EPHA5: variants seen among roughly 807,000 people sequenced by gnomAD.
EPHA5 encodes ephrin type-A receptor 5.
A neutral mutation model predicts 105.0 loss-of-function variants in EPHA5; 60 were observed. The ratio of observed to expected loss-of-function variants is 0.57; its 90% CI spans 0.46 to 0.71. EPHA5 has a LOEUF of 0.71. EPHA5 is among the 30% of genes least tolerant of loss of function. The pLI is 0.00. For missense variants in EPHA5, 1,218 were observed against 1,274.7 expected (o/e 0.96, Z 0.68); for synonymous variants, 513 against 449.1 (o/e 1.14, Z -1.80).
chr4:65,341,925 T>A (rs922744778), intron 14 of EPHA5, among the ~76,000 whole-genome samples: 1 of 152,114 alleles, frequency 6.6e-6, no homozygotes, highest in Non-Finnish European at 1.5e-5. Context: ...GACATAGAAA[T>A]AGTTTCAGAT....
intron 3 of EPHA5, among the ~76,000 whole-genome samples, chr4:65,552,762 A>T (rs1336638263): frequency 1.3e-5 from 2 of 152,090 alleles, no homozygotes; most frequent in Non-Finnish European, 2.9e-5. Context: ...TTTCCTTTCT[A>T]ATTATATTTC....
intron 3 of EPHA5, among the ~76,000 whole-genome samples, chr4:65,537,726 T>C (rs1736425003): frequency 6.6e-6 from 1 of 151,716 alleles, no homozygotes; most frequent in Non-Finnish European, 1.5e-5. Context: ...GGCCAGTTAA[T>C]TTGTTTATTC....
At chr4:65,367,493 A>T (rs2148896948) in intron 8 of EPHA5, 69 bp from the exon 9 acceptor site, 1 of 1,424,030 alleles carries the variant, frequency 7.0e-7, no homozygotes, top group Non-Finnish European at 9.9e-7. Flanking sequence ...GCCCAGAAGC[A>T]TGAAGCACAA....
At chr4:65,578,252 C>T (rs111699177) in intron 3 of EPHA5, among the ~76,000 whole-genome samples, 5,677 of 152,126 alleles carry the variant, frequency 0.037, 330 homozygotes, top group African/African-American at 0.13. Flanking sequence ...GGGGGCGGGG[C>T]ATACATACAT....
At chr4:65,421,783 G>C (rs1168817521) in intron 5 of EPHA5, among the ~76,000 whole-genome samples, 1 of 152,090 alleles carries the variant, frequency 6.6e-6, no homozygotes, top group Non-Finnish European at 1.5e-5. Flanking sequence ...TCTAAGATGA[G>C]AAAATTGTTT....
chr4:65,534,336 G>A (rs148847836), intron 3 of EPHA5, among the ~76,000 whole-genome samples: 457 of 152,112 alleles, frequency 3.0e-3, no homozygotes, highest in African/African-American at 0.01. Flanking sequence ...CCTGAGATTC[G>A]TGAAATATTT....
chr4:65,363,957 TA>T lies in EPHA5; in HGVS notation c.2173+1059del, dbSNP rs1026949853. ...ATAAAATATTTTTGTTTTATTCCAT[TA>T]AAAAAATGCTGTTTCCTCTGCCTGC... On this transcript the variant is annotated intron_variant, in intron 11 of 16. Transcript: ENST00000613740. 7.3e-5 allele frequency among the ~76,000 whole-genome samples: 11 copies of T among 151,510 alleles called. 1 individual carries two copies. Among genetic ancestry groups the T allele is most frequent in the East Asian group, 1.9e-4 (1 of 5,158 alleles).
chr4:65,394,933 T>C (rs957779073), intron 8 of EPHA5, among the ~76,000 whole-genome samples: 1 of 152,150 alleles, frequency 6.6e-6, no homozygotes, highest in African/African-American at 2.4e-5. Context: ...GAATATACTC[T>C]TCACAAAGTA....
At chr4:65,522,085 A>T (rs1199570940) in intron 3 of EPHA5, among the ~76,000 whole-genome samples, 1 of 151,954 alleles carries the variant, frequency 6.6e-6, no homozygotes, top group Non-Finnish European at 1.5e-5. Context: ...ACAGAAAAAA[A>T]ACTAAGATCT....
intron 2 of EPHA5, among the ~76,000 whole-genome samples, chr4:65,610,471 C>T (rs1744664894): frequency 6.6e-6 from 1 of 151,898 alleles, no homozygotes; most frequent in Non-Finnish European, 1.5e-5. Flanking sequence ...GTGTGACATG[C>T]AGTTTCCCCA....
intron 5 of EPHA5, among the ~76,000 whole-genome samples, chr4:65,456,264 T>A (rs1421377107): frequency 2.0e-5 from 3 of 152,148 alleles, no homozygotes; most frequent in Non-Finnish European, 4.4e-5. Flanking sequence ...CCTTGGCCGA[T>A]TTCACAGCAT....
At chr4:65,667,715 T>C (rs1243743722) in intron 1 of EPHA5, among the ~76,000 whole-genome samples, 3 of 152,146 alleles carry the variant, frequency 2.0e-5, no homozygotes, top group African/African-American at 7.2e-5. Context: ...AGTGTCACTC[T>C]CCCTGAGAAT....
At chr4:65,653,588 G>C (rs574981624) in intron 1 of EPHA5, among the ~76,000 whole-genome samples, 1 of 151,904 alleles carries the variant, frequency 6.6e-6, no homozygotes, top group East Asian at 1.9e-4. Context: ...AAATACAATG[G>C]TTTATATATC....
At chr4:65,408,874 T>C (rs1459038912) in intron 7 of EPHA5, among the ~76,000 whole-genome samples, 4 of 152,002 alleles carry the variant, frequency 2.6e-5, no homozygotes, top group African/African-American at 9.7e-5. Context: ...CATGCTGCTA[T>C]AAAGACACAT....
At position 65,320,690 on chromosome 4, in the gene EPHA5, A is replaced by G. The variant is rs1214292259; in HGVS notation, c.*3424T>C. ...CATACAGATTAAGTAGAAGACATGA[A>G]AACACATAAGTGCTCAAATGATATT... On this transcript the variant is annotated 3_prime_UTR_variant, in exon 17 of 17. Coordinates refer to ENST00000613740, the MANE Select transcript of EPHA5 (RefSeq NM_001281766.3). The G allele has an allele frequency of 4.3e-6, 1 of 229,960 alleles. No individual in the cohort carries two copies. Among genetic ancestry groups the G allele is most frequent in the African/African-American group, 2.2e-5 (1 of 45,138 alleles). The allele number at this position is 229,960 out of a possible 1,614,324, so 14.2% of individuals were successfully genotyped here.
chr4:65,453,704 C>A (rs1422181071), intron 5 of EPHA5, among the ~76,000 whole-genome samples: 1 of 152,154 alleles, frequency 6.6e-6, no homozygotes, highest in Non-Finnish European at 1.5e-5. Context: ...GTCCACTGTG[C>A]TTGTGGATAG....
chr4:65,341,690 G>A (rs1213561609), intron 14 of EPHA5, among the ~76,000 whole-genome samples: 1 of 151,838 alleles, frequency 6.6e-6, no homozygotes, highest in African/African-American at 2.4e-5. Flanking sequence ...CACAGGAGAT[G>A]TGAAAATGTA....
At chr4:65,403,591 T>C (rs1722065153) in intron 8 of EPHA5, among the ~76,000 whole-genome samples, 1 of 134,258 alleles carries the variant, frequency 7.4e-6, no homozygotes, top group Admixed American at 7.0e-5. Flanking sequence ...TTTTATATAG[T>C]TTATTTTGTT....
At chr4:65,512,484 A>G (rs746089427) in intron 3 of EPHA5, among the ~76,000 whole-genome samples, 8 of 152,042 alleles carry the variant, frequency 5.3e-5, no homozygotes, top group Non-Finnish European at 1.0e-4. Flanking sequence ...GTGAACCGCC[A>G]TACTTTTGGT....
Sources: gnomAD v4.1 joint callset for allele counts (sites outside exome capture counted in the v4.1 genomes callset) on GRCh38, gnomAD v4.1.1 for gene constraint, MANE v1.5 for transcripts, NCBI Gene and HGNC (gene_info 2026-07-23, HGNC 2026-07-21) for gene names.